The following ADAMTS6 variants were observed in gnomAD, a reference collection of about 807,000 sequenced individuals.
The protein encoded by ADAMTS6 is A disintegrin and metalloproteinase with thrombospondin motifs 6.
A neutral mutation model predicts 144.3 loss-of-function variants in ADAMTS6; 23 were observed. The observed-to-expected ratio is 0.16, with a 90% CI of 0.11 to 0.23. ADAMTS6 has a LOEUF of 0.23. ADAMTS6 is among the 10% of genes least tolerant of loss of function. ADAMTS6 has a pLI of 1.00. For missense variants in ADAMTS6, 999 were observed against 1,379.6 expected, an observed-to-expected ratio of 0.72 and a Z score of 4.37; for synonymous variants, 444 against 457.5, an observed-to-expected ratio of 0.97 and a Z score of 0.38.
chr5:65,171,557 T>C (rs949365245), intron 23 of ADAMTS6, among the ~76,000 whole-genome samples: 13 of 152,062 alleles, frequency 8.5e-5, no homozygotes, highest in African/African-American at 2.9e-4. Context: ...TAATGAGAGA[T>C]TGTAGGGCTA....
At chr5:65,328,959 C>T (rs750209687) in intron 9 of ADAMTS6, among the ~76,000 whole-genome samples, 8 of 151,848 alleles carry the variant, frequency 5.3e-5, no homozygotes, top group Non-Finnish European at 1.2e-4. Context: ...GCAATGTCTG[C>T]ACAAACTTTA....
intron 10 of ADAMTS6, among the ~76,000 whole-genome samples, chr5:65,295,150 A>C (rs925753217): frequency 6.6e-6 from 1 of 152,076 alleles, no homozygotes; most frequent in African/African-American, 2.4e-5. Context: ...AATTTCTAAG[A>C]ATTGCAAATT....
intron 20 of ADAMTS6, among the ~76,000 whole-genome samples, chr5:65,213,155 A>G (rs1756652908): frequency 6.6e-6 from 1 of 152,246 alleles, no homozygotes. Context: ...CATTTTACAC[A>G]TAAAATGGAT....
In ADAMTS6 at chr5:65,339,455, C is replaced by CAAAAAA. The variant is rs538468970; in HGVS notation, c.1074-5376_1074-5371dup. 3.3e-3 allele frequency among the ~76,000 whole-genome samples: 357 copies of CAAAAAA among 108,628 alleles called. 2 individuals carry two copies. The highest frequency in any genetic ancestry group is 9.3e-3 in the African/African-American group (306 of 32,998). The allele number at this position is 108,628 out of a possible 152,430, so 71.3% of individuals were successfully genotyped here. A position where few individuals can be genotyped will look rare whatever the true frequency, so the allele number is the denominator to read the frequency against. Reference sequence around the variant, plus strand: ...GGGAACATGTCAATCATAAAAAAAGCAAAAAAAAAAAAAATGCAACCCACA... The same window carrying CAAAAAA: ...GGGAACATGTCAATCATAAAAAAAGCAAAAAAAAAAAAAAAAAAAATGCAACCCACA... On this transcript the variant is annotated intron_variant, in intron 7 of 24. Transcript: ENST00000381055.
At chr5:65,384,044 G>A (rs1752279017) in intron 7 of ADAMTS6, among the ~76,000 whole-genome samples, 3 of 152,152 alleles carry the variant, frequency 2.0e-5, no homozygotes, top group South Asian at 2.1e-4. Context: ...CACCACCAAG[G>A]CCCTGGCGTT....
chr5:65,462,190 G>A (rs1313395495), intron 3 of ADAMTS6, among the ~76,000 whole-genome samples: 2 of 152,274 alleles, frequency 1.3e-5, no homozygotes, highest in African/African-American at 4.8e-5. Context: ...GATCAACAAT[G>A]TGCTAAAAAA....
intron 7 of ADAMTS6, among the ~76,000 whole-genome samples, chr5:65,346,306 G>C (rs1748311589): frequency 6.6e-6 from 1 of 151,760 alleles, no homozygotes; most frequent in South Asian, 2.1e-4. Flanking sequence ...GATTCATTCT[G>C]GAGATGCAGG....
chr5:65,333,972 A>T (rs1747027972), intron 8 of ADAMTS6, 70 bp downstream of exon 8: 1 of 1,304,192 alleles, frequency 7.7e-7, no homozygotes, highest in South Asian at 2.1e-5. Context: ...GTCCAAAAAG[A>T]CAATCAGAAC....
chr5:65,428,902 G>C (rs758159154), intron 7 of ADAMTS6, among the ~76,000 whole-genome samples: 1 of 152,144 alleles, frequency 6.6e-6, no homozygotes, highest in Non-Finnish European at 1.5e-5. Context: ...GGATCAATAG[G>C]AAGAAATAGT....
intron 20 of ADAMTS6, among the ~76,000 whole-genome samples, chr5:65,200,316 T>C (rs1441742982): frequency 7.9e-5 from 12 of 152,196 alleles, no homozygotes; most frequent in Non-Finnish European, 1.5e-4. Flanking sequence ...CTTTTAACTT[T>C]AGAAAGTAGA....
rs76700658 is a variant in ADAMTS6 at position 65,313,468 on chromosome 5, G to A, written c.1224-13337C>T. 8.7e-3 allele frequency among the ~76,000 whole-genome samples: 1,326 copies of A among 152,048 alleles called. 21 individuals carry two copies. Among genetic ancestry groups the A allele is most frequent in the African/African-American group, 0.03 (1,250 of 41,506 alleles). ...TATGTATGTGCATTTATTTATGTGT[G>A]TGAATTCATAGATAGCATAATTGTG... On this transcript the variant is annotated intron_variant, in intron 9 of 24. Coordinates refer to ENST00000381055, the MANE Select transcript of ADAMTS6 (RefSeq NM_197941.4).
intron 4 of ADAMTS6, among the ~76,000 whole-genome samples, chr5:65,456,516 C>A (rs574450742): frequency 6.6e-6 from 1 of 152,206 alleles, no homozygotes; most frequent in Admixed American, 6.5e-5. Flanking sequence ...TACTTCTGGA[C>A]AGTTGGCCAT....
At chr5:65,450,028 T>TAA (rs1758612263) in intron 7 of ADAMTS6, among the ~76,000 whole-genome samples, 1 of 152,218 alleles carries the variant, frequency 6.6e-6, no homozygotes, top group East Asian at 1.9e-4. Context: ...TAGCTATATA[T>TAA]AACAGATATC....
At chr5:65,393,203 A>G (rs777914449) in intron 7 of ADAMTS6, among the ~76,000 whole-genome samples, 77 of 152,206 alleles carry the variant, frequency 5.1e-4, no homozygotes, top group Non-Finnish European at 1.0e-3. Context: ...TATTACATGT[A>G]TTGGACATAT....
At chr5:65,301,856 G>A (rs1743409393) in intron 9 of ADAMTS6, among the ~76,000 whole-genome samples, 1 of 151,726 alleles carries the variant, frequency 6.6e-6, no homozygotes, top group Non-Finnish European at 1.5e-5. Flanking sequence ...TGCGAGGCTG[G>A]GGCGGGAGGA....
intron 21 of ADAMTS6, among the ~76,000 whole-genome samples, chr5:65,193,756 A>T (rs1755157380): frequency 6.6e-6 from 1 of 152,182 alleles, no homozygotes; most frequent in African/African-American, 2.4e-5. Flanking sequence ...TATAAAGAAC[A>T]GTTTCAGAAG....
At chr5:65,350,794 C>T (rs1214749140) in intron 7 of ADAMTS6, among the ~76,000 whole-genome samples, 1 of 152,118 alleles carries the variant, frequency 6.6e-6, no homozygotes, top group Non-Finnish European at 1.5e-5. Context: ...GATGGGATTA[C>T]AGGCTTGCGC....
At chr5:65,389,447 T>C (rs1752733945) in intron 7 of ADAMTS6, among the ~76,000 whole-genome samples, 1 of 152,180 alleles carries the variant, frequency 6.6e-6, no homozygotes, top group Non-Finnish European at 1.5e-5. Context: ...AAAATTATAA[T>C]TTATTATGAC....
chr5:65,464,910 C>T (rs1172170799), intron 3 of ADAMTS6, among the ~76,000 whole-genome samples: 8 of 152,186 alleles, frequency 5.3e-5, no homozygotes. Flanking sequence ...CACTGTCCTT[C>T]ACCCACCTCA....
Sources: allele counts gnomAD v4.1 joint callset (sites outside exome capture counted in the v4.1 genomes callset), GRCh38; gene constraint gnomAD v4.1.1; transcripts MANE v1.5; gene names NCBI Gene and HGNC (gene_info 2026-07-23, HGNC 2026-07-21).